GALNTL6: variants seen among roughly 807,000 people sequenced by gnomAD.
GALNTL6 encodes the protein polypeptide N-acetylgalactosaminyltransferase like 6, also known as polypeptide N-acetylgalactosaminyltransferase-like 6.
Under a neutral mutation model 73.7 loss-of-function variants are expected in GALNTL6, and 46 were observed. That is an observed-to-expected ratio of 0.62 (90% confidence interval 0.49 to 0.80). The LOEUF is 0.80. Ranked by LOEUF, GALNTL6 falls within the 30% of genes least tolerant of loss-of-function variation. GALNTL6 has a pLI of 0.00. For synonymous variants in GALNTL6, 259 were observed against 263.7 expected, an observed-to-expected ratio of 0.98 and a Z score of 0.17; for missense variants, 604 against 755.0, an observed-to-expected ratio of 0.80 and a Z score of 2.34.
intron 5 of GALNTL6, among the ~76,000 whole-genome samples, chr4:172,629,885 A>G (rs1257129343): frequency 1.3e-5 from 2 of 152,218 alleles, no homozygotes; most frequent in Admixed American, 6.5e-5. Context: ...ATCATTAAAA[A>G]TCTGCTTGTC....
chr4:171,822,807 T>C (rs1375253076), intron 2 of GALNTL6, among the ~76,000 whole-genome samples: 1 of 152,204 alleles, frequency 6.6e-6, no homozygotes, highest in East Asian at 1.9e-4. Flanking sequence ...TATGTACACT[T>C]TAATATAAGG....
intron 10 of GALNTL6, among the ~76,000 whole-genome samples, chr4:172,989,027 A>G (rs868476629): frequency 6.6e-6 from 1 of 152,228 alleles, no homozygotes; most frequent in Non-Finnish European, 1.5e-5. Flanking sequence ...GGGCCCTCAT[A>G]CAGGGTCCTC....
chr4:171,860,779 C>A (rs538210453), intron 2 of GALNTL6, among the ~76,000 whole-genome samples: 1 of 152,228 alleles, frequency 6.6e-6, no homozygotes, highest in Non-Finnish European at 1.5e-5. Flanking sequence ...GTTCCTTGTC[C>A]TGGAATGCAG....
chr4:172,703,596 A>C (rs554685553), intron 5 of GALNTL6, among the ~76,000 whole-genome samples: 1 of 152,070 alleles, frequency 6.6e-6, no homozygotes, highest in Admixed American at 6.6e-5. Context: ...TCAGTTTTCC[A>C]GCATTTTGTG....
At chr4:172,607,123 C>CA (rs961718061) in intron 5 of GALNTL6, among the ~76,000 whole-genome samples, 1 of 151,168 alleles carries the variant, frequency 6.6e-6, no homozygotes, top group East Asian at 1.9e-4. Context: ...GGTCACCCCC[C>CA]AAAAAAAATA....
At chr4:172,540,142 C>A (rs1448200681) in intron 5 of GALNTL6, among the ~76,000 whole-genome samples, 3 of 151,380 alleles carry the variant, frequency 2.0e-5, no homozygotes, top group African/African-American at 7.3e-5. Flanking sequence ...CCTCTGCCTC[C>A]CAGGTTCAAG....
chr4:173,005,483 A>G (rs1261924592), intron 10 of GALNTL6, among the ~76,000 whole-genome samples: 5 of 151,996 alleles, frequency 3.3e-5, no homozygotes, highest in Admixed American at 1.3e-4. Context: ...TACAGAGCCC[A>G]TGTTGAAAAA....
intron 5 of GALNTL6, chr4:172,667,793 T>C (rs1032479318): frequency 6.6e-6 from 1 of 152,240 alleles, no homozygotes; most frequent in African/African-American, 2.4e-5. Context: ...CAAGTTCTTA[T>C]TTTGAAGTAA....
At chr4:173,022,074 G>GGAAGGAAGGAAAGAAGGAAGGAAGGAAA (rs1561091696) in intron 12 of GALNTL6, among the ~76,000 whole-genome samples, 5 of 107,596 alleles carry the variant, frequency 4.6e-5, no homozygotes, top group Non-Finnish European at 9.9e-5. Context: ...AAGGAAGGAA[G>GGAAGGAAGGAAAGAAGGAAGGAAGGAAA]GAAGGAAGGA....
intron 5 of GALNTL6, among the ~76,000 whole-genome samples, chr4:172,803,120 G>C (rs577299720): frequency 1.1e-4 from 16 of 152,238 alleles, no homozygotes; most frequent in Admixed American, 8.5e-4. Context: ...TCTGCATCTC[G>C]TTATTGGGCA....
chr4:172,777,003 C>T (rs1017395322), intron 5 of GALNTL6, among the ~76,000 whole-genome samples: 8 of 152,084 alleles, frequency 5.3e-5, no homozygotes, highest in African/African-American at 1.9e-4. Context: ...AATTGTTCCC[C>T]CAAGCTAATT....
At chr4:172,373,213 T>C (rs1370524485) in intron 5 of GALNTL6, among the ~76,000 whole-genome samples, 1 of 152,150 alleles carries the variant, frequency 6.6e-6, no homozygotes, top group Non-Finnish European at 1.5e-5. Flanking sequence ...GGACGTGTGG[T>C]CTGTGGGATC....
At chr4:172,287,793 G>C (rs866606292) in intron 3 of GALNTL6, among the ~76,000 whole-genome samples, 5 of 152,276 alleles carry the variant, frequency 3.3e-5, no homozygotes, top group South Asian at 2.1e-4. Flanking sequence ...TATGTGTCTG[G>C]ATGGAGTTAA....
At chr4:172,898,472 A>T (rs1435301984) in intron 8 of GALNTL6, among the ~76,000 whole-genome samples, 8 of 151,918 alleles carry the variant, frequency 5.3e-5, no homozygotes, top group Non-Finnish European at 1.2e-4. Flanking sequence ...AAGATCTCAT[A>T]AAATAAAACT....
At chr4:172,347,938 A>G (rs1741806937) in intron 4 of GALNTL6, among the ~76,000 whole-genome samples, 1 of 152,186 alleles carries the variant, frequency 6.6e-6, no homozygotes. Context: ...TGGGACTATG[A>G]TAACATCTTG....
At chr4:172,418,799 A>C (rs1444743112) in intron 5 of GALNTL6, among the ~76,000 whole-genome samples, 2 of 152,186 alleles carry the variant, frequency 1.3e-5, no homozygotes. Flanking sequence ...CCACATTAAG[A>C]TGTACACAGT....
intron 3 of GALNTL6, among the ~76,000 whole-genome samples, chr4:172,285,429 C>T (rs1739211917): frequency 6.6e-6 from 1 of 152,164 alleles, no homozygotes. Context: ...TTAATGCTTT[C>T]TCCTTTCAAA....
At chr4:172,120,022 T>G (rs1733103157) in intron 2 of GALNTL6, among the ~76,000 whole-genome samples, 2 of 152,138 alleles carry the variant, frequency 1.3e-5, no homozygotes, top group Non-Finnish European at 2.9e-5. Flanking sequence ...TATGTAAAAT[T>G]TAATAAGTAG....
intron 5 of GALNTL6, among the ~76,000 whole-genome samples, chr4:172,515,280 G>A (rs890269108): frequency 2.0e-5 from 3 of 152,202 alleles, no homozygotes; most frequent in Non-Finnish European, 2.9e-5. Flanking sequence ...ACAGTTAAAG[G>A]TTTCCCACCT....
Sources: allele counts gnomAD v4.1 joint callset (sites outside exome capture counted in the v4.1 genomes callset), GRCh38; gene constraint gnomAD v4.1.1; transcripts MANE v1.5; gene names NCBI Gene and HGNC (gene_info 2026-07-23, HGNC 2026-07-21).